The following RASGRF2 variants were observed in gnomAD, a reference collection of about 807,000 sequenced individuals.
RASGRF2 encodes the protein ras-specific guanine nucleotide-releasing factor 2.
RASGRF2 carries 76 observed loss-of-function variants against 151.0 expected under a neutral mutation model. The ratio of observed to expected loss-of-function variants is 0.50; its 90% CI spans 0.42 to 0.61. RASGRF2 has a LOEUF of 0.61. RASGRF2 is among the 20% of genes least tolerant of loss of function. RASGRF2 has a pLI of 0.00. For missense variants in RASGRF2, 1,148 were observed against 1,564.6 expected, an observed-to-expected ratio of 0.73 and a Z score of 4.49; for synonymous variants, 504 against 566.5, an observed-to-expected ratio of 0.89 and a Z score of 1.57.
intron 2 of RASGRF2, among the ~76,000 whole-genome samples, chr5:81,057,820 C>T (rs1751275813): frequency 6.6e-6 from 1 of 151,936 alleles, no homozygotes; most frequent in Admixed American, 6.6e-5. Flanking sequence ...CATAGTGAGA[C>T]CTCGTCTCCA....
At chr5:81,077,124 G>A (rs1751962957) in intron 5 of RASGRF2, among the ~76,000 whole-genome samples, 1 of 152,190 alleles carries the variant, frequency 6.6e-6, no homozygotes, top group Non-Finnish European at 1.5e-5. Flanking sequence ...GGTGGGATCT[G>A]GGGATTTAGG....
chr5:81,062,043 A>G (rs1751459341), intron 2 of RASGRF2, among the ~76,000 whole-genome samples: 1 of 148,904 alleles, frequency 6.7e-6, no homozygotes, highest in African/African-American at 2.5e-5. Flanking sequence ...ATGAGATCTT[A>G]CTATGTTGCT....
At chr5:80,962,272 T>C (rs1301738192) in intron 1 of RASGRF2, among the ~76,000 whole-genome samples, 2 of 152,342 alleles carry the variant, frequency 1.3e-5, no homozygotes, top group South Asian at 4.1e-4. Flanking sequence ...GAGGGCTTGT[T>C]CAGAGTCATT....
chr5:81,139,792 C>G (rs1753841131), intron 17 of RASGRF2, among the ~76,000 whole-genome samples: 1 of 152,018 alleles, frequency 6.6e-6, no homozygotes, highest in Non-Finnish European at 1.5e-5. Context: ...TCCCACAAAG[C>G]TCTTTCCGTA....
At position 81,225,995 on chromosome 5, in the gene RASGRF2, G is replaced by T; in HGVS notation, c.*225G>T. 2.3e-6 allele frequency: 1 copy of T among 427,644 alleles called. No individual in the cohort carries two copies. Among genetic ancestry groups the T allele is most frequent in the South Asian group, 5.3e-5 (1 of 18,966 alleles). The allele number at this position is 427,644 out of a possible 1,614,324, so 26.5% of individuals were successfully genotyped here. ...AAGGTGAAAGATGGCTATTTAGAAA[G>T]CTGGTGGCACGTTTTACATAAGGGA... On this transcript the variant is annotated 3_prime_UTR_variant, in exon 27 of 27. Transcript: ENST00000265080.
intron 16 of RASGRF2, among the ~76,000 whole-genome samples, chr5:81,124,120 G>A (rs27558): frequency 0.42 from 63,145 of 151,998 alleles, 14,896 homozygotes; most frequent in African/African-American, 0.65. Flanking sequence ...TCTACAGGTG[G>A]TTTAAAATAT....
chr5:81,058,018 A>G (rs1267499351), intron 2 of RASGRF2, among the ~76,000 whole-genome samples: 1 of 152,092 alleles, frequency 6.6e-6, no homozygotes, highest in African/African-American at 2.4e-5. Flanking sequence ...TTAATTAATT[A>G]ATTAATTAAT....
At chr5:81,221,461 A>G (rs1230457404) in intron 26 of RASGRF2, among the ~76,000 whole-genome samples, 1 of 152,206 alleles carries the variant, frequency 6.6e-6, no homozygotes, top group African/African-American at 2.4e-5. Context: ...AAGCTTGGCC[A>G]TCGGGTGCTC....
chr5:80,971,567 ATT>A (rs775200485), intron 1 of RASGRF2, among the ~76,000 whole-genome samples: 40 of 131,240 alleles, frequency 3.0e-4, no homozygotes, highest in African/African-American at 9.8e-4. Flanking sequence ...CACACCTGGT[ATT>A]TTTTTTTTTT....
At chr5:81,042,387 G>C (rs1435759591) in intron 1 of RASGRF2, among the ~76,000 whole-genome samples, 1 of 152,202 alleles carries the variant, frequency 6.6e-6, no homozygotes, top group Non-Finnish European at 1.5e-5. Flanking sequence ...CATCTGCTAA[G>C]GTTGCAGAAG....
rs1756029443 is a variant in RASGRF2 at position 81,227,795 on chromosome 5, G to A, written c.*2025G>A. On this transcript the variant is annotated 3_prime_UTR_variant, in exon 27 of 27. Coordinates refer to ENST00000265080, the MANE Select transcript of RASGRF2 (RefSeq NM_006909.3). ...CCAAACAACACGTGGAAAGGTGCAT[G>A]CATTCTACTCTGCCTTGGAGTTGCC... The A allele has an allele frequency of 6.6e-6, 1 of 152,242 alleles. No homozygotes were observed. Among genetic ancestry groups the A allele is most frequent in the Admixed American group, 6.5e-5 (1 of 15,290 alleles). 9.4% of individuals were successfully genotyped at this position (152,242 alleles called of 1,614,324 possible). A position where few individuals can be genotyped will look rare whatever the true frequency, so the allele number is the denominator to read the frequency against.
intron 1 of RASGRF2, among the ~76,000 whole-genome samples, chr5:81,009,745 G>A (rs373678418): frequency 1.3e-5 from 2 of 152,154 alleles, no homozygotes; most frequent in East Asian, 1.9e-4. Context: ...CTTTATAAAC[G>A]TTTACTACAG....
intron 12 of RASGRF2, among the ~76,000 whole-genome samples, chr5:81,106,467 C>A (rs1752850128): frequency 6.6e-6 from 1 of 152,216 alleles, no homozygotes; most frequent in Non-Finnish European, 1.5e-5. Flanking sequence ...TAGAAACCCT[C>A]AGTGGCTTCC....
intron 12 of RASGRF2, among the ~76,000 whole-genome samples, chr5:81,106,920 A>G (rs1379550311): frequency 1.3e-5 from 2 of 152,158 alleles, no homozygotes; most frequent in African/African-American, 4.8e-5. Context: ...TTTTCTAGAA[A>G]GTGTGAAACC....
In RASGRF2 at chr5:81,046,565, C is replaced by T. The variant is rs144883085; in HGVS notation, c.395+3582C>T. Among the ~76,000 whole-genome samples, 914 of 152,154 alleles carry T rather than the reference C, an allele frequency of 6.0e-3. 2 individuals carry two copies. Among genetic ancestry groups the T allele is most frequent in the Non-Finnish European group, 8.9e-3 (602 of 67,988 alleles). ...AGTTCAGGGGACGCTGCTACCGAGA[C>T]CCAGTCTTGTTTTTGTCTGGTTGAG... On this transcript the variant is annotated intron_variant, in intron 2 of 26. Coordinates refer to ENST00000265080, the MANE Select transcript of RASGRF2 (RefSeq NM_006909.3).
At chr5:80,967,584 G>A (rs13357015) in intron 1 of RASGRF2, among the ~76,000 whole-genome samples, 103,496 of 151,942 alleles carry the variant, frequency 0.68, 35,778 homozygotes, top group African/African-American at 0.79. Context: ...GGGTACTGAA[G>A]TGTTTCATTT....
intron 17 of RASGRF2, among the ~76,000 whole-genome samples, chr5:81,170,592 A>C (rs1020023880): frequency 1.3e-5 from 2 of 151,646 alleles, no homozygotes; most frequent in Admixed American, 6.6e-5. Flanking sequence ...TCTTCCTCCA[A>C]ATCTCCACAT....
At chr5:81,080,859 A>T (rs1227324469) in intron 7 of RASGRF2, 70 bp downstream of exon 7, 1 of 1,385,696 alleles carries the variant, frequency 7.2e-7, no homozygotes, top group African/African-American at 1.4e-5. Flanking sequence ...TAGCGTGACC[A>T]GCGTGAGATG....
chr5:81,025,869 A>C (rs1750002848), intron 1 of RASGRF2, among the ~76,000 whole-genome samples: 1 of 152,060 alleles, frequency 6.6e-6, no homozygotes, highest in South Asian at 2.1e-4. Flanking sequence ...TTTTCCCCCC[A>C]CCAAGCTAGT....
Sources: gnomAD v4.1 joint callset for allele counts (sites outside exome capture counted in the v4.1 genomes callset) on GRCh38, gnomAD v4.1.1 for gene constraint, MANE v1.5 for transcripts, NCBI Gene and HGNC (gene_info 2026-07-23, HGNC 2026-07-21) for gene names.